Variants in IQSEC3 observed in about 807,000 individuals in gnomAD.
IQSEC3 encodes IQ motif and Sec7 domain ArfGEF 3, also known as IQ motif and SEC7 domain-containing protein 3.
In IQSEC3, 50 loss-of-function variants were observed where a neutral mutation model predicts 105.4. The observed-to-expected ratio is 0.47, with a 90% CI of 0.38 to 0.60. The LOEUF (loss-of-function observed/expected upper bound fraction) is 0.60. Among genes scored for constraint, IQSEC3 ranks in the 20% least tolerant of loss-of-function variants. The pLI, the probability that IQSEC3 is intolerant of heterozygous loss-of-function variation, is 0.00. For synonymous variants in IQSEC3, 708 were observed against 746.0 expected (o/e 0.95, Z 0.83); for missense variants, 1,415 against 1,630.0 (o/e 0.87, Z 2.27).
Position 175,249 on chromosome 12 carries a change from T to C in IQSEC3, c.*216T>C. The C allele has an allele frequency of 1.9e-6, 1 of 526,926 alleles. No homozygotes were observed. The highest frequency in any genetic ancestry group is 3.3e-6 in the Non-Finnish European group (1 of 299,316). 32.6% of individuals were successfully genotyped at this position (526,926 alleles called of 1,614,324 possible). On this transcript the variant is annotated 3_prime_UTR_variant, in exon 14 of 14. Coordinates refer to ENST00000538872, the MANE Select transcript of IQSEC3 (RefSeq NM_001170738.2). ...CCCTCTGCAGATCTGAAGACACACC[T>C]CACTCTCCCAGGGCCCTACACAGCC... is the stretch of plus-strand genomic sequence containing the variant.
At chr12:121,150 A>G (rs1865206354) in intron 2 of IQSEC3, among the ~76,000 whole-genome samples, 1 of 152,172 alleles carries the variant, frequency 6.6e-6, no homozygotes, top group Non-Finnish European at 1.5e-5. Context: ...AATCTGACCC[A>G]CTAGGGATGA....
intron 2 of IQSEC3, among the ~76,000 whole-genome samples, chr12:100,893 C>T (rs1350956354): frequency 6.6e-6 from 1 of 152,098 alleles, no homozygotes; most frequent in Non-Finnish European, 1.5e-5. Flanking sequence ...TAGAGGAAGA[C>T]CCTGAGTTCC....
chr12:166,080 A>C, intron 11 of IQSEC3, 190 bp downstream of exon 11: 1 of 624,772 alleles, frequency 1.6e-6, no homozygotes, highest in Non-Finnish European at 2.8e-6. Flanking sequence ...TTCACAATTA[A>C]AGTGAGGCTT....
At chr12:94,765 CAG>C (rs1449748223) in intron 1 of IQSEC3, among the ~76,000 whole-genome samples, 2 of 152,378 alleles carry the variant, frequency 1.3e-5, no homozygotes, top group South Asian at 2.1e-4. Flanking sequence ...CTCTGGGAAA[CAG>C]GGGCAGGATC....
intron 2 of IQSEC3, among the ~76,000 whole-genome samples, chr12:114,916 G>A (rs528824506): frequency 4.6e-5 from 7 of 152,186 alleles, no homozygotes; most frequent in Non-Finnish European, 7.3e-5. Flanking sequence ...AGCCTAGCAC[G>A]TCCCTTCCTC....
intron 1 of IQSEC3, among the ~76,000 whole-genome samples, chr12:68,652 G>A (rs1361946481): frequency 2.0e-5 from 3 of 152,274 alleles, no homozygotes. Context: ...CTTGACAATG[G>A]TGATGCATAA....
chr12:142,792 G>A (rs782239751), intron 5 of IQSEC3, among the ~76,000 whole-genome samples: 1 of 152,174 alleles, frequency 6.6e-6, no homozygotes, highest in Non-Finnish European at 1.5e-5. Context: ...GGGAGAGATG[G>A]CATTTCCTCA....
chr12:116,834 G>C (rs953380682), intron 2 of IQSEC3, among the ~76,000 whole-genome samples: 2 of 152,196 alleles, frequency 1.3e-5, no homozygotes, highest in Non-Finnish European at 2.9e-5. Flanking sequence ...AAGACAAGGG[G>C]GGCGTTTGCC....
intron 1 of IQSEC3, among the ~76,000 whole-genome samples, chr12:69,390 C>T (rs1471085750): frequency 6.6e-6 from 1 of 152,288 alleles, no homozygotes; most frequent in Non-Finnish European, 1.5e-5. Context: ...TCCAGCTCCA[C>T]ATGTCAATTC....
rs1334005130 is a variant in IQSEC3 at position 174,930 on chromosome 12, T to TGCCCCC, written c.3453_3458dup (p.Pro1154_Pro1155dup). ...GTCAAGGTCACCCACCAGCCTCCGCTGCCCCCGCCCCCACCCCCCTACAAC... is the reference window on the plus strand; with the variant it reads ...GTCAAGGTCACCCACCAGCCTCCGCTGCCCCCGCCCCCGCCCCCACCCCCCTACAAC... On this transcript the variant is annotated inframe_insertion, in exon 14 of 14. Transcript: ENST00000538872. 9.8e-6 allele frequency: 14 copies of TGCCCCC among 1,434,282 alleles called. No homozygotes were observed. The highest frequency in any genetic ancestry group is 1.3e-5 in the Non-Finnish European group (14 of 1,057,194). The allele number at this position is 1,434,282 out of a possible 1,614,324, so 88.8% of individuals were successfully genotyped here.
intron 3 of IQSEC3, among the ~76,000 whole-genome samples, chr12:132,691 G>A (rs76520265): frequency 0.059 from 9,042 of 152,214 alleles, 369 homozygotes; most frequent in East Asian, 0.18. Context: ...CCCAGGCTGG[G>A]TGCTTGTCAG....
Position 125,887 on chromosome 12 carries a change from T to A in IQSEC3, c.878T>A (p.Leu293His). ...GCCCCTGCCGCCTCCGATTACGAAC[T>A]CTCCCTTGACCTAAAGAATAAACAG... ...PHAPAASDYE[L>H]SLDLKNKQIE... Residue 293 changes from leucine (L) to histidine (H), a missense_variant, in exon 3 of 14, where the codon CTC becomes CAC. This residue lies in a region of IQSEC3 where 720 missense variants were observed against 633.0 expected (regional missense o/e 1.14). Coordinates refer to ENST00000538872, the MANE Select transcript of IQSEC3 (RefSeq NM_001170738.2). The A allele has an allele frequency of 1.3e-6, 2 of 1,533,484 alleles. No individual in the cohort carries two copies. The highest frequency in any genetic ancestry group is 1.7e-6 in the Non-Finnish European group (2 of 1,146,438). 95.0% of individuals were successfully genotyped at this position (1,533,484 alleles called of 1,614,324 possible).
chr12:141,155 T>G lies in IQSEC3; in HGVS notation c.2023T>G (p.Ser675Ala). 1 of 1,576,262 alleles carries G rather than the reference T, an allele frequency of 6.3e-7. No individual in the cohort carries two copies. Among genetic ancestry groups the G allele is most frequent in the Non-Finnish European group, 8.7e-7 (1 of 1,153,032 alleles). The stretch of plus-strand genomic sequence containing the variant: ...CGACAAGGGCATCCAGTTCCTGATC[T>G]CACGCGGCTTCATCCCGGACACCCC... ...NPDKGIQFLI[S>A]RGFIPDTPIG... Residue 675 changes from serine (S) to alanine (A), a missense_variant, in exon 5 of 14, where the codon TCA becomes GCA. By Grantham distance (99) the Ser-to-Ala change is moderately conservative. This residue lies in a region of IQSEC3 where 213 missense variants were observed against 306.2 expected (regional missense o/e 0.70). Coordinates refer to ENST00000538872, the MANE Select transcript of IQSEC3 (RefSeq NM_001170738.2).
Position 138,437 on chromosome 12 carries a change from AC to A in IQSEC3, c.1077del (p.Thr360ArgfsTer123). The A allele has an allele frequency of 1.2e-6, 2 of 1,605,780 alleles. No individual in the cohort carries two copies. On this transcript the variant is annotated frameshift_variant, in exon 4 of 14. Coordinates refer to ENST00000538872, the MANE Select transcript of IQSEC3 (RefSeq NM_001170738.2). LOFTEE classifies it high-confidence loss of function. The surrounding 1 kb of genome is among the most constrained non-coding windows in gnomAD (Gnocchi z 7.1). ...GGATCTCCCTGCGCAAGGTGCGGTC[AC>A]CCACGGCCGAGAGCCTGGCGGCCGA... is the stretch of plus-strand genomic sequence containing the variant. ...RRISLRKVRS[P>X]TAESLAAEKA...
At chr12:156,594 C>A (rs1866695474) in intron 5 of IQSEC3, among the ~76,000 whole-genome samples, 1 of 152,146 alleles carries the variant, frequency 6.6e-6, no homozygotes, top group African/African-American at 2.4e-5. Context: ...GAGGACTCAG[C>A]CCCCTCAAGA....
At chr12:123,687 G>A (rs1555082414) in intron 2 of IQSEC3, among the ~76,000 whole-genome samples, 2 of 152,130 alleles carry the variant, frequency 1.3e-5, no homozygotes, top group Non-Finnish European at 2.9e-5. Flanking sequence ...GCACCAGGAG[G>A]AACACCTCTC....
chr12:74,349 A>G (rs1863437021), intron 1 of IQSEC3, among the ~76,000 whole-genome samples: 1 of 152,240 alleles, frequency 6.6e-6, no homozygotes, highest in South Asian at 2.1e-4. Context: ...TACATGAGAT[A>G]TCTTCCAGGA....
intron 13 of IQSEC3, among the ~76,000 whole-genome samples, chr12:173,612 C>T (rs1939121729): frequency 6.6e-6 from 1 of 152,142 alleles, no homozygotes; most frequent in South Asian, 2.1e-4. Context: ...GATGTCAGCC[C>T]AATAGAAAGA....
chr12:99,190 C>A lies in IQSEC3; in HGVS notation c.599C>A (p.Ala200Asp), dbSNP rs1555075479. The change falls in exon 2 of 14, where the codon GCC (alanine) becomes GAC (aspartate). Residue 200 changes from alanine to aspartate, a missense_variant. Physicochemically the swap from Ala to Asp is moderately radical, Grantham distance 126. This residue lies in a region of IQSEC3 where 720 missense variants were observed against 633.0 expected (regional missense o/e 1.14). Transcript: ENST00000538872. Reference sequence around the variant, plus strand: ...CAGTTCTGCTGCCCAGCCGCCGACGCCTGCTCCGACCTGGCCTCCCAAAGG... The same window carrying A: ...CAGTTCTGCTGCCCAGCCGCCGACGACTGCTCCGACCTGGCCTCCCAAAGG... ...LHQFCCPAAD[A>D]CSDLASQSDG... 3.1e-6 allele frequency: 5 copies of A among 1,598,758 alleles called. No individual in the cohort carries two copies. Among genetic ancestry groups the A allele is most frequent in the Non-Finnish European group, 4.2e-6 (5 of 1,179,700 alleles).
Sources: gnomAD v4.1 joint callset for allele counts (sites outside exome capture counted in the v4.1 genomes callset) on GRCh38, gnomAD v4.1.1 for gene constraint, gnomAD v4.1.1 regional missense constraint, Gnocchi (gnomAD v3.1) non-coding constraint, MANE v1.5 for transcripts, NCBI Gene and HGNC (gene_info 2026-07-23, HGNC 2026-07-21) for gene names.